MATN2: variants seen among roughly 807,000 people sequenced by gnomAD.
The protein encoded by MATN2 is matrilin-2.
In MATN2, 69 loss-of-function variants were observed where a neutral mutation model predicts 103.2. The ratio of observed to expected loss-of-function variants is 0.67; its 90% CI spans 0.55 to 0.82. MATN2 has a LOEUF of 0.82. Among genes scored for constraint, MATN2 ranks in the 40% least tolerant of loss-of-function variants. The pLI, the probability that MATN2 is intolerant of heterozygous loss-of-function variation, is 0.00. For missense variants in MATN2, 1,023 were observed against 1,211.5 expected, an observed-to-expected ratio of 0.84 and a Z score of 2.31; for synonymous variants, 429 against 450.2, an observed-to-expected ratio of 0.95 and a Z score of 0.60.
chr8:97,932,911 G>A (rs1382929091), intron 3 of MATN2, among the ~76,000 whole-genome samples: 1 of 152,180 alleles, frequency 6.6e-6, no homozygotes, highest in Non-Finnish European at 1.5e-5. Flanking sequence ...TCCTAGAGCA[G>A]AGTGGAGAAT....
chr8:97,945,717 A>AT (rs1554605715), intron 4 of MATN2, among the ~76,000 whole-genome samples: 10,386 of 121,758 alleles, frequency 0.085, 474 homozygotes, highest in Middle Eastern at 0.11. Context: ...AAAAAAAAAA[A>AT]ATATATATAT....
chr8:97,956,987 ACT>A (rs922958260), intron 4 of MATN2, among the ~76,000 whole-genome samples: 35 of 152,108 alleles, frequency 2.3e-4, no homozygotes, highest in African/African-American at 7.5e-4. Context: ...ACTGTGCTAG[ACT>A]CTGGAGAGTC....
intron 1 of MATN2, among the ~76,000 whole-genome samples, chr8:97,881,232 T>C (rs1467957285): frequency 6.6e-6 from 1 of 152,214 alleles, no homozygotes; most frequent in African/African-American, 2.4e-5. Flanking sequence ...CTGGTTTAGA[T>C]TGAGAAACTT....
At chr8:97,893,689 G>A (rs1818711469) in intron 2 of MATN2, among the ~76,000 whole-genome samples, 1 of 152,086 alleles carries the variant, frequency 6.6e-6, no homozygotes, top group Non-Finnish European at 1.5e-5. Context: ...TGATTCTCCT[G>A]CCTCAGCCTC....
chr8:98,034,372 CT>C (rs1457678670), intron 18 of MATN2: 3 of 343,466 alleles, frequency 8.7e-6, no homozygotes, highest in African/African-American at 6.4e-5. Flanking sequence ...CTAAAGCTGG[CT>C]GATATCTCAA....
chr8:98,016,923 A>C (rs930927541), intron 11 of MATN2, among the ~76,000 whole-genome samples: 2 of 152,224 alleles, frequency 1.3e-5, no homozygotes, highest in Non-Finnish European at 2.9e-5. Context: ...TACTCATGTG[A>C]GTTGTTAATA....
In MATN2 at chr8:97,888,331, CT is replaced by C; in HGVS notation, c.142+92del. 3.0e-6 allele frequency: 4 copies of C among 1,345,872 alleles called. No individual in the cohort carries two copies. The African/African-American group carries it at 6.0e-5, about 20-fold the overall frequency. The allele number at this position is 1,345,872 out of a possible 1,614,324, so 83.4% of individuals were successfully genotyped here. ...CAGGGATTGGTGACTGTTTGAGAAGCTTTCCTTTCCCTGGGTCCTTGTTGGA... is the reference window on the plus strand; with the variant it reads ...CAGGGATTGGTGACTGTTTGAGAAGCTTCCTTTCCCTGGGTCCTTGTTGGA... On this transcript the variant is annotated intron_variant, in intron 2 of 18. Coordinates refer to ENST00000254898, the MANE Select transcript of MATN2 (RefSeq NM_002380.5).
intron 2 of MATN2, among the ~76,000 whole-genome samples, chr8:97,912,653 GT>G (rs1809486655): frequency 6.6e-6 from 1 of 152,184 alleles, no homozygotes; most frequent in Non-Finnish European, 1.5e-5. Context: ...AGACGTAGGG[GT>G]GGGGAGGAGG....
At chr8:97,987,027 G>C (rs1483688586) in intron 6 of MATN2, among the ~76,000 whole-genome samples, 1 of 150,316 alleles carries the variant, frequency 6.7e-6, no homozygotes, top group Admixed American at 6.6e-5. Context: ...ATTTTTAGTA[G>C]AGACAGGGTT....
At chr8:97,992,460 T>G (rs1812422696) in intron 6 of MATN2, among the ~76,000 whole-genome samples, 1 of 152,056 alleles carries the variant, frequency 6.6e-6, no homozygotes. Flanking sequence ...AATAATACAA[T>G]GTCTGGGCCA....
intron 1 of MATN2, among the ~76,000 whole-genome samples, chr8:97,886,700 G>A (rs1314308525): frequency 6.6e-6 from 1 of 152,104 alleles, no homozygotes; most frequent in Non-Finnish European, 1.5e-5. Context: ...GCAATTTGCT[G>A]AACAAACAGT....
chr8:97,992,547 A>G (rs1317543577), intron 6 of MATN2, among the ~76,000 whole-genome samples: 1 of 151,812 alleles, frequency 6.6e-6, no homozygotes, highest in African/African-American at 2.4e-5. Context: ...GGAGTTCAAG[A>G]CCAGCCTGGC....
intron 2 of MATN2, among the ~76,000 whole-genome samples, chr8:97,920,504 A>C (rs534421654): frequency 1.8e-4 from 27 of 152,336 alleles, no homozygotes; most frequent in Non-Finnish European, 3.4e-4. Context: ...CACTGCACCC[A>C]GCCCGATACT....
At position 97,968,489 on chromosome 8, in the gene MATN2, G is replaced by A. The variant is rs74441183; in HGVS notation, c.958+6959G>A. On this transcript the variant is annotated intron_variant, in intron 5 of 18. Coordinates refer to ENST00000254898, the MANE Select transcript of MATN2 (RefSeq NM_002380.5). The stretch of plus-strand genomic sequence containing the variant: ...GTTCCAACTTTATTTCTTTGCTCCA[G>A]TATCTGATCATAGGCTTGAATGCTT... Among the ~76,000 whole-genome samples, 1,396 of 152,254 alleles carry A rather than the reference G, an allele frequency of 9.2e-3. 25 individuals carry two copies. Among genetic ancestry groups the A allele is most frequent in the African/African-American group, 0.029 (1,215 of 41,538 alleles).
Position 98,000,596 on chromosome 8 carries a change from C to CAAAAAAAAAAAAAAAAAA in MATN2, c.1205-3051_1205-3050insAAAAAAAAAAAAAAAAAA, listed in dbSNP as rs67682756. Among the ~76,000 whole-genome samples, 154 of 49,506 alleles carry CAAAAAAAAAAAAAAAAAA rather than the reference C, an allele frequency of 3.1e-3. 6 individuals carry two copies. The highest frequency in any genetic ancestry group is 0.012 in the South Asian group (24 of 1,986). 32.5% of individuals were successfully genotyped at this position (49,506 alleles called of 152,430 possible). The stretch of plus-strand genomic sequence containing the variant: ...TGGATGACAGAGCGAGACTCCGTCT[C>CAAAAAAAAAAAAAAAAAA]AAAAAAAAAAAAAAGAAATATGGTT... On this transcript the variant is annotated intron_variant, in intron 7 of 18. Transcript: ENST00000254898.
chr8:98,019,096 T>TATTATATATATATA, intron 12 of MATN2, among the ~76,000 whole-genome samples: 1 of 140,192 alleles, frequency 7.1e-6, no homozygotes, highest in South Asian at 2.2e-4. Flanking sequence ...TCTATTTATA[T>TATTATATATATATA]ATATCATAGA....
intron 12 of MATN2, 39 bp downstream of exon 12, chr8:98,018,155 T>C: frequency 6.2e-7 from 1 of 1,611,746 alleles, no homozygotes; most frequent in Non-Finnish European, 8.5e-7. Context: ...TTTCCCTCTG[T>C]GGACTCAGAC....
intron 3 of MATN2, among the ~76,000 whole-genome samples, chr8:97,938,123 C>T (rs1213840607): frequency 6.6e-6 from 1 of 152,160 alleles, no homozygotes; most frequent in African/African-American, 2.4e-5. Flanking sequence ...GCCTCCCACT[C>T]ATGACAGTGG....
chr8:98,023,619 T>C (rs950024646), intron 13 of MATN2, among the ~76,000 whole-genome samples: 9 of 152,062 alleles, frequency 5.9e-5, no homozygotes, highest in African/African-American at 1.7e-4. Flanking sequence ...TACAGTGAGT[T>C]GTGATTGTGC....
Sources: allele counts gnomAD v4.1 joint callset (sites outside exome capture counted in the v4.1 genomes callset), GRCh38; gene constraint gnomAD v4.1.1; transcripts MANE v1.5; gene names NCBI Gene and HGNC (gene_info 2026-07-23, HGNC 2026-07-21).